CCDC148: variants seen among roughly 807,000 people sequenced by gnomAD.
CCDC148 encodes coiled-coil domain containing 148.
Under a neutral mutation model 85.7 loss-of-function variants are expected in CCDC148, and 89 were observed. The ratio of observed to expected loss-of-function variants is 1.04; its 90% CI spans 0.87 to 1.24. The LOEUF (loss-of-function observed/expected upper bound fraction) is 1.24. Among genes scored for constraint, CCDC148 ranks in the 50% most tolerant of loss-of-function variants. CCDC148 has a pLI of 0.00. For synonymous variants in CCDC148, 230 were observed against 213.9 expected (o/e 1.08, Z -0.66); for missense variants, 692 against 671.7 (o/e 1.03, Z -0.33).
At chr2:158,228,161 A>G (rs947194736) in intron 10 of CCDC148, among the ~76,000 whole-genome samples, 3 of 152,230 alleles carry the variant, frequency 2.0e-5, no homozygotes, top group African/African-American at 4.8e-5. Flanking sequence ...ATGAACAGAC[A>G]CTTCTCAAAA....
chr2:158,172,000 C>T lies in CCDC148; in HGVS notation c.*113G>A, dbSNP rs925765741. On this transcript the variant is annotated 3_prime_UTR_variant, in exon 14 of 14. Transcript: ENST00000283233. The stretch of plus-strand genomic sequence containing the variant: ...AAAGGCAAAGTTGTTTTAATAGATG[C>T]TATGATTTCTATGTCTGATATTTCA... 8.6e-6 allele frequency: 7 copies of T among 810,522 alleles called. No individual in the cohort carries two copies. The highest frequency in any genetic ancestry group is 1.1e-5 in the Non-Finnish European group (6 of 534,780). The allele number at this position is 810,522 out of a possible 1,614,324, so 50.2% of individuals were successfully genotyped here.
intron 10 of CCDC148, among the ~76,000 whole-genome samples, chr2:158,238,004 A>G (rs1399717162): frequency 2.0e-5 from 3 of 152,168 alleles, no homozygotes; most frequent in African/African-American, 7.2e-5. Flanking sequence ...TCATTGAAAT[A>G]CGGAGGTAAG....
chr2:158,430,462 A>G (rs1687297336), intron 1 of CCDC148, among the ~76,000 whole-genome samples: 1 of 152,222 alleles, frequency 6.6e-6, no homozygotes. Flanking sequence ...ATCAGACAAA[A>G]AAGTTGATCA....
intron 8 of CCDC148, among the ~76,000 whole-genome samples, chr2:158,310,844 G>A (rs1228296355): frequency 4.0e-5 from 6 of 150,216 alleles, no homozygotes; most frequent in South Asian, 2.1e-4. Flanking sequence ...ATGGGATGAC[G>A]GCCAGGAAGA....
intron 1 of CCDC148, among the ~76,000 whole-genome samples, chr2:158,374,520 C>T (rs1211370929): frequency 6.6e-6 from 1 of 151,796 alleles, no homozygotes; most frequent in Non-Finnish European, 1.5e-5. Flanking sequence ...TTCTCTTGTG[C>T]GTGCGCTCTC....
intron 1 of CCDC148, among the ~76,000 whole-genome samples, chr2:158,431,286 A>G (rs1057362702): frequency 9.2e-5 from 14 of 152,064 alleles, no homozygotes; most frequent in Non-Finnish European, 1.5e-4. Context: ...AAGGCATTTA[A>G]TAATCAAATT....
At chr2:158,351,515 G>A (rs533744129) in intron 2 of CCDC148, among the ~76,000 whole-genome samples, 3 of 152,008 alleles carry the variant, frequency 2.0e-5, no homozygotes, top group Admixed American at 1.3e-4. Flanking sequence ...GCGCTTTTCC[G>A]ACCGGCTTAA....
chr2:158,447,088 A>G (rs1688186747), intron 1 of CCDC148: 1 of 152,200 alleles, frequency 6.6e-6, no homozygotes, highest in South Asian at 2.1e-4. Context: ...GGACATACAT[A>G]TTTATTTCTA....
chr2:158,200,484 A>C (rs1176233992), intron 11 of CCDC148, among the ~76,000 whole-genome samples: 4 of 152,162 alleles, frequency 2.6e-5, no homozygotes, highest in Admixed American at 1.3e-4. Context: ...AGCCATACCC[A>C]TTTGCTTACA....
chr2:158,212,911 T>A (rs1474318663), intron 11 of CCDC148, among the ~76,000 whole-genome samples: 1 of 152,150 alleles, frequency 6.6e-6, no homozygotes, highest in Non-Finnish European at 1.5e-5. Context: ...CTACAAAAAG[T>A]GGAATGGTCT....
At position 158,285,501 on chromosome 2, in the gene CCDC148, T is replaced by C. The variant is rs145832580; in HGVS notation, c.1110+23932A>G. Among the ~76,000 whole-genome samples, 801 of 151,836 alleles carry C rather than the reference T, an allele frequency of 5.3e-3. 7 individuals carry two copies. The highest frequency in any genetic ancestry group is 0.018 in the African/African-American group (751 of 41,430). ...ATACACATACATTCATACATACATA[T>C]ACTTCTAGCAAACTAAAACTATAAG... is the stretch of plus-strand genomic sequence containing the variant. On this transcript the variant is annotated intron_variant, in intron 9 of 13. Transcript: ENST00000283233.
At chr2:158,298,850 T>C (rs1428068099) in intron 9 of CCDC148, among the ~76,000 whole-genome samples, 1 of 152,212 alleles carries the variant, frequency 6.6e-6, no homozygotes. Flanking sequence ...ATCTGGATAA[T>C]CTCTGAGACA....
At chr2:158,198,137 T>C (rs1685770427) in intron 11 of CCDC148, among the ~76,000 whole-genome samples, 1 of 152,150 alleles carries the variant, frequency 6.6e-6, no homozygotes, top group East Asian at 1.9e-4. Flanking sequence ...GGAGGACATT[T>C]CCTATTTCTG....
chr2:158,353,337 A>T (rs902482420), intron 2 of CCDC148, among the ~76,000 whole-genome samples: 19 of 148,162 alleles, frequency 1.3e-4, no homozygotes, highest in Non-Finnish European at 2.1e-4. Context: ...AACCCATCTC[A>T]CGTGCAGACA....
chr2:158,280,126 G>A (rs996311959), intron 9 of CCDC148, among the ~76,000 whole-genome samples: 3 of 152,178 alleles, frequency 2.0e-5, no homozygotes, highest in African/African-American at 7.2e-5. Context: ...CCTGAAGGAA[G>A]CACTAAACAT....
chr2:158,320,538 C>A (rs1217024281), intron 7 of CCDC148, among the ~76,000 whole-genome samples: 1 of 152,104 alleles, frequency 6.6e-6, no homozygotes, highest in Non-Finnish European at 1.5e-5. Flanking sequence ...TGTTAAAATT[C>A]TTCTCATGTT....
At position 158,358,598 on chromosome 2, in the gene CCDC148, CAAAG is replaced by C. The variant is rs1297699841; in HGVS notation, c.26-32_26-29del. The C allele has an allele frequency of 3.4e-6, 5 of 1,461,708 alleles. No homozygotes were observed. In the African/African-American group the frequency reaches 7.3e-5, roughly 21 times the overall value. 90.5% of individuals were successfully genotyped at this position (1,461,708 alleles called of 1,614,324 possible). On this transcript the variant is annotated intron_variant, in intron 1 of 13. Coordinates refer to ENST00000283233, the MANE Select transcript of CCDC148 (RefSeq NM_138803.4). The stretch of plus-strand genomic sequence containing the variant: ...ATTAGTCATAAAAATAGAAAAATGA[CAAAG>C]AAAGAATATCATGTTATTGGAAGTC...
chr2:158,243,971 T>C (rs1688458077), intron 10 of CCDC148, among the ~76,000 whole-genome samples: 2 of 152,140 alleles, frequency 1.3e-5, no homozygotes, highest in Non-Finnish European at 2.9e-5. Flanking sequence ...CTGCAGGACA[T>C]GACTGCCCTA....
In CCDC148 at chr2:158,178,885, C is replaced by G. The variant is rs773391204; in HGVS notation, c.1482G>C (p.Arg494Ser). 1 of 1,611,590 alleles carries G rather than the reference C, an allele frequency of 6.2e-7. No homozygotes were observed. The change falls in exon 12 of 14, where the codon AGG (arginine) becomes AGC (serine). Residue 494 changes from arginine to serine, a missense_variant. Transcript: ENST00000283233. ...KERARRLEAL[R>S]KQVAVVAQFD... ...ATTTCCAAATGAAAAACACCTGTTT[C>G]CTAAGGGCTTCTAGCCGCCGTGCTC...
Sources: gnomAD v4.1 joint callset for allele counts (sites outside exome capture counted in the v4.1 genomes callset) on GRCh38, gnomAD v4.1.1 for gene constraint, MANE v1.5 for transcripts, NCBI Gene and HGNC (gene_info 2026-07-23, HGNC 2026-07-21) for gene names.